Variants in NRXN3 observed in about 807,000 individuals in gnomAD.
The protein encoded by NRXN3 is neurexin III.
In NRXN3, 32 loss-of-function variants were observed where a neutral mutation model predicts 137.6. The observed-to-expected ratio is 0.23, with a 90% CI of 0.18 to 0.31. The LOEUF (loss-of-function observed/expected upper bound fraction) is 0.31, where lower values mean the gene tolerates loss of function less well. NRXN3 is among the 10% of genes least tolerant of loss of function. The probability of loss-of-function intolerance (pLI) is 1.00; values close to 1 mark genes in which losing one functional copy is unlikely to be tolerated. For synonymous variants in NRXN3, 798 were observed against 784.5 expected, an observed-to-expected ratio of 1.02 and a Z score of -0.29; for missense variants, 1,574 against 2,062.5, an observed-to-expected ratio of 0.76 and a Z score of 4.59.
At chr14:78,520,170 G>A (rs1205393040) in intron 4 of NRXN3, among the ~76,000 whole-genome samples, 1 of 152,068 alleles carries the variant, frequency 6.6e-6, no homozygotes, top group African/African-American at 2.4e-5. Context: ...TCACTCACTG[G>A]CCCTGCCAGG....
At chr14:79,624,137 G>A (rs932305051) in intron 16 of NRXN3, among the ~76,000 whole-genome samples, 1 of 152,114 alleles carries the variant, frequency 6.6e-6, no homozygotes, top group African/African-American at 2.4e-5. Context: ...CATTGCAGAT[G>A]TTACACTTCC....
intron 20 of NRXN3, among the ~76,000 whole-genome samples, chr14:79,813,707 CCTT>C (rs1451473088): frequency 1.3e-5 from 2 of 152,122 alleles, no homozygotes; most frequent in Non-Finnish European, 2.9e-5. Context: ...TCCTCTTCCT[CCTT>C]CTATGCATAT....
At chr14:78,714,501 TA>T (rs1200362998) in intron 7 of NRXN3, among the ~76,000 whole-genome samples, 2 of 152,258 alleles carry the variant, frequency 1.3e-5, no homozygotes, top group African/African-American at 4.8e-5. Flanking sequence ...GAGGGTTAAG[TA>T]GAGAAAAGAT....
chr14:79,428,013 C>T (rs1222225888), intron 15 of NRXN3, among the ~76,000 whole-genome samples: 2 of 151,594 alleles, frequency 1.3e-5, no homozygotes, highest in East Asian at 1.9e-4. Flanking sequence ...GTGTGTGTTT[C>T]GATCTGTGTG....
chr14:78,453,064 T>C (rs919908039), intron 4 of NRXN3, among the ~76,000 whole-genome samples: 1 of 152,210 alleles, frequency 6.6e-6, no homozygotes, highest in East Asian at 1.9e-4. Flanking sequence ...AGTCCAATAA[T>C]GCCTCATGTG....
chr14:79,745,055 G>A (rs2098975367), intron 19 of NRXN3, among the ~76,000 whole-genome samples: 1 of 150,422 alleles, frequency 6.6e-6, no homozygotes, highest in African/African-American at 2.4e-5. Flanking sequence ...AAGGCACATT[G>A]TTTTTAGCTA....
chr14:79,041,016 C>A (rs1328368813), intron 15 of NRXN3, among the ~76,000 whole-genome samples: 1 of 152,092 alleles, frequency 6.6e-6, no homozygotes, highest in Admixed American at 6.5e-5. Context: ...GAGAATTCAG[C>A]CAAGGACCCA....
In NRXN3 at chr14:79,509,277, C is replaced by G. The variant is rs147392507; in HGVS notation, c.3444+41875C>G. Among the ~76,000 whole-genome samples, 64 of 152,136 alleles carry G rather than the reference C, an allele frequency of 4.2e-4. 1 individual carries two copies. The East Asian group carries it at 0.011, about 26-fold the overall frequency. On this transcript the variant is annotated intron_variant, in intron 16 of 20. Coordinates refer to ENST00000335750, the MANE Select transcript of NRXN3 (RefSeq NM_001330195.2). ...ATCCCAGGACTTTTGGAGGCCAAAG[C>G]GAGCAGATCACTTGAGATCAGGAGT...
intron 15 of NRXN3, among the ~76,000 whole-genome samples, chr14:79,082,387 C>G (rs1345433789): frequency 2.5e-5 from 1 of 39,848 alleles, no homozygotes; most frequent in Non-Finnish European, 4.9e-5. Context: ...TGTATGCAAA[C>G]TAATTGTGTG....
intron 19 of NRXN3, among the ~76,000 whole-genome samples, chr14:79,761,646 A>G (rs915485036): frequency 7.0e-6 from 1 of 142,780 alleles, no homozygotes; most frequent in Non-Finnish European, 1.5e-5. Flanking sequence ...AGATGGCACC[A>G]CTGCACTCCA....
intron 4 of NRXN3, among the ~76,000 whole-genome samples, chr14:78,615,862 A>C (rs2097342807): frequency 6.6e-6 from 1 of 152,210 alleles, no homozygotes; most frequent in African/African-American, 2.4e-5. Context: ...TGGGAGACTA[A>C]GGCAGGAGGA....
intron 19 of NRXN3, 145 bp from the exon 20 acceptor site, chr14:79,804,967 C>T (rs184712555): frequency 1.4e-4 from 86 of 594,498 alleles, no homozygotes; most frequent in Admixed American, 3.4e-4. Flanking sequence ...CTTCATCCTA[C>T]GGTATGCCCT....
chr14:78,794,368 C>T (rs774510663), intron 8 of NRXN3, among the ~76,000 whole-genome samples: 3 of 152,040 alleles, frequency 2.0e-5, no homozygotes, highest in East Asian at 1.9e-4. Context: ...GGTGACAGAG[C>T]GACAGAGCAA....
At chr14:78,682,175 T>G (rs951614394) in intron 6 of NRXN3, among the ~76,000 whole-genome samples, 12 of 152,094 alleles carry the variant, frequency 7.9e-5, no homozygotes, top group Admixed American at 7.2e-4. Context: ...CGATTGATAC[T>G]TTTTTGTTGG....
At chr14:78,279,284 A>G (rs1175018004) in intron 3 of NRXN3, among the ~76,000 whole-genome samples, 1 of 152,226 alleles carries the variant, frequency 6.6e-6, no homozygotes, top group Non-Finnish European at 1.5e-5. Context: ...TTCTCTTTTT[A>G]AAGTGTGTCT....
At chr14:79,444,731 G>A (rs951766249) in intron 15 of NRXN3, among the ~76,000 whole-genome samples, 3 of 152,216 alleles carry the variant, frequency 2.0e-5, no homozygotes, top group Admixed American at 6.5e-5. Context: ...GGGTGGCTGA[G>A]TCAGGAGGGT....
intron 15 of NRXN3, among the ~76,000 whole-genome samples, chr14:79,096,851 G>C (rs2050443686): frequency 6.6e-6 from 1 of 151,950 alleles, no homozygotes; most frequent in African/African-American, 2.4e-5. Flanking sequence ...AGGTATTCTT[G>C]ATCTCTCATG....
chr14:78,480,757 T>C (rs1339220083), intron 4 of NRXN3, among the ~76,000 whole-genome samples: 1 of 152,206 alleles, frequency 6.6e-6, no homozygotes, highest in Non-Finnish European at 1.5e-5. Flanking sequence ...TTTGTCCCTT[T>C]CTATACTATT....
intron 4 of NRXN3, chr14:78,526,736 T>G (rs1002386711): frequency 1.9e-6 from 1 of 517,176 alleles, no homozygotes; most frequent in Admixed American, 1.9e-5. Context: ...TCCTAAGAGG[T>G]AGGTAGGGAT....
Sources: allele counts gnomAD v4.1 joint callset (sites outside exome capture counted in the v4.1 genomes callset), GRCh38; gene constraint gnomAD v4.1.1; transcripts MANE v1.5; gene names NCBI Gene and HGNC (gene_info 2026-07-23, HGNC 2026-07-21).